CLSTN2: variants seen among roughly 807,000 people sequenced by gnomAD.
The protein encoded by CLSTN2 is calsyntenin 2.
In CLSTN2, 48 loss-of-function variants were observed where a neutral mutation model predicts 101.2. The ratio of observed to expected loss-of-function variants is 0.47; its 90% CI spans 0.38 to 0.60. The LOEUF (loss-of-function observed/expected upper bound fraction) is 0.60, where lower values mean the gene tolerates loss of function less well. Ranked by LOEUF, CLSTN2 falls within the 20% of genes least tolerant of loss-of-function variation. The pLI, the probability that CLSTN2 is intolerant of heterozygous loss-of-function variation, is 0.00. For missense variants in CLSTN2, 1,160 were observed against 1,238.2 expected (o/e 0.94, Z 0.95); for synonymous variants, 481 against 463.6 (o/e 1.04, Z -0.48).
At chr3:140,065,903 CA>C (rs2008291306) in intron 1 of CLSTN2, among the ~76,000 whole-genome samples, 1 of 152,232 alleles carries the variant, frequency 6.6e-6, no homozygotes, top group East Asian at 1.9e-4. Context: ...ATGATCTGCC[CA>C]ACCATGGTGG....
chr3:140,267,619 T>C (rs1228735695), intron 2 of CLSTN2, among the ~76,000 whole-genome samples: 8 of 152,208 alleles, frequency 5.3e-5, no homozygotes, highest in Admixed American at 5.2e-4. Context: ...GACCGGGCTG[T>C]TTAAAACCAC....
At chr3:140,161,957 C>T (rs1405385373) in intron 1 of CLSTN2, among the ~76,000 whole-genome samples, 1 of 152,098 alleles carries the variant, frequency 6.6e-6, no homozygotes, top group Non-Finnish European at 1.5e-5. Context: ...TAACAATAAA[C>T]TCATCAAATA....
chr3:140,054,957 CCTGA>C (rs1293409713), intron 1 of CLSTN2, among the ~76,000 whole-genome samples: 1 of 152,146 alleles, frequency 6.6e-6, no homozygotes, highest in Non-Finnish European at 1.5e-5. Context: ...TTCTCAGAAA[CCTGA>C]CTATTTATGG....
In CLSTN2 at chr3:139,979,050, C is replaced by T. The variant is rs1010254929; in HGVS notation, c.109+43567C>T. On this transcript the variant is annotated intron_variant, in intron 1 of 16. Coordinates refer to ENST00000458420, the MANE Select transcript of CLSTN2 (RefSeq NM_022131.3). ...TAGTTCTATAATACCCAGGGGATCCCCTTGTACATGCCCCAGAATGTGCGC... is the reference window on the plus strand; with the variant it reads ...TAGTTCTATAATACCCAGGGGATCCTCTTGTACATGCCCCAGAATGTGCGC... 2.6e-5 allele frequency among the ~76,000 whole-genome samples: 4 copies of T among 152,164 alleles called. No individual in the cohort carries two copies. In the East Asian group the frequency reaches 7.8e-4, roughly 29 times the overall value.
At chr3:140,125,242 G>A (rs1398891002) in intron 1 of CLSTN2, among the ~76,000 whole-genome samples, 3 of 152,058 alleles carry the variant, frequency 2.0e-5, no homozygotes, top group Non-Finnish European at 2.9e-5. Flanking sequence ...TGCTGAACAG[G>A]GGAGTGAAGC....
At chr3:140,027,779 A>G (rs1576401701) in intron 1 of CLSTN2, among the ~76,000 whole-genome samples, 1 of 152,308 alleles carries the variant, frequency 6.6e-6, no homozygotes, top group East Asian at 1.9e-4. Context: ...CTGGGCTATA[A>G]AAATTTTGTT....
intron 1 of CLSTN2, among the ~76,000 whole-genome samples, chr3:140,037,349 C>G (rs1241146862): frequency 6.6e-6 from 1 of 151,840 alleles, no homozygotes; most frequent in African/African-American, 2.4e-5. Flanking sequence ...CTCTTTTTTC[C>G]CCTAATCAAT....
chr3:140,129,102 C>A (rs2009482207), intron 1 of CLSTN2, among the ~76,000 whole-genome samples: 1 of 151,874 alleles, frequency 6.6e-6, no homozygotes, highest in African/African-American at 2.4e-5. Context: ...CTCAGTTTCC[C>A]CTGATGTCAG....
At chr3:140,486,148 A>G (rs774853241) in intron 8 of CLSTN2, among the ~76,000 whole-genome samples, 25 of 152,160 alleles carry the variant, frequency 1.6e-4, no homozygotes, top group African/African-American at 5.8e-4. Flanking sequence ...CATATGGGAA[A>G]AGACCAATGT....
chr3:140,479,923 T>G (rs1934076419), intron 8 of CLSTN2, among the ~76,000 whole-genome samples: 1 of 152,152 alleles, frequency 6.6e-6, no homozygotes, highest in African/African-American at 2.4e-5. Flanking sequence ...ATCCTCAACC[T>G]GTTGATGACC....
At chr3:140,532,616 T>A (rs1450158911) in intron 9 of CLSTN2, 130 bp downstream of exon 9, 6 of 617,996 alleles carry the variant, frequency 9.7e-6, no homozygotes, top group Non-Finnish European at 1.5e-5. Flanking sequence ...CAAAAAAAAA[T>A]TCAAGACATA....
At chr3:140,063,736 C>A (rs1240283540) in intron 1 of CLSTN2, among the ~76,000 whole-genome samples, 1 of 152,166 alleles carries the variant, frequency 6.6e-6, no homozygotes, top group African/African-American at 2.4e-5. Context: ...AGTATCTTGT[C>A]ACCCTTTTGT....
In CLSTN2 at chr3:140,076,730, T is replaced by C. The variant is rs190799533; in HGVS notation, c.110-99221T>C. ...GTCACACTGTGCTGCCTAGGAACTC[T>C]ACAGCAGTGAATGCCTGCATGATTT... On this transcript the variant is annotated intron_variant, in intron 1 of 16. Transcript: ENST00000458420. Among the ~76,000 whole-genome samples the C allele has an allele frequency of 1.3e-3, 179 of 143,140 alleles. 1 individual carries two copies. Among genetic ancestry groups the C allele is most frequent in the South Asian group, 7.1e-3 (30 of 4,216 alleles). 93.9% of individuals were successfully genotyped at this position (143,140 alleles called of 152,430 possible).
chr3:140,470,120 C>T (rs988118480), intron 8 of CLSTN2, among the ~76,000 whole-genome samples: 1 of 152,240 alleles, frequency 6.6e-6, no homozygotes, highest in African/African-American at 2.4e-5. Context: ...GGAATTTCAG[C>T]ATTTTATCTG....
At chr3:140,505,664 T>C (rs958051766) in intron 8 of CLSTN2, 4 of 152,192 alleles carry the variant, frequency 2.6e-5, no homozygotes, top group African/African-American at 7.2e-5. Context: ...AGATATGAGA[T>C]ATGTCAACTA....
intron 2 of CLSTN2, among the ~76,000 whole-genome samples, chr3:140,362,653 A>T (rs1215844779): frequency 5.3e-5 from 8 of 152,184 alleles, no homozygotes; most frequent in Non-Finnish European, 2.9e-5. Context: ...AATGGGAAAA[A>T]TGTTTGAATA....
chr3:140,190,199 A>G (rs2010539831), intron 2 of CLSTN2, among the ~76,000 whole-genome samples: 1 of 152,104 alleles, frequency 6.6e-6, no homozygotes. Flanking sequence ...TGCTGGGAGG[A>G]CACACACATT....
rs200944284 is a variant in CLSTN2 at position 140,549,485 on chromosome 3, G to A, written c.1674+2804G>A. On this transcript the variant is annotated intron_variant, in intron 10 of 16. Transcript: ENST00000458420. ...CATGGCTGGTAAGAACTAGAGCACCGTGTGAGAAGTTAATAAGACGCCCAA... is the reference window on the plus strand; with the variant it reads ...CATGGCTGGTAAGAACTAGAGCACCATGTGAGAAGTTAATAAGACGCCCAA... Among the ~76,000 whole-genome samples the A allele has an allele frequency of 7.4e-4, 112 of 151,078 alleles. 3 individuals carry two copies. The East Asian group carries it at 9.6e-3, about 13-fold the overall frequency.
chr3:140,412,779 C>T (rs887444734), intron 4 of CLSTN2, among the ~76,000 whole-genome samples: 1 of 151,998 alleles, frequency 6.6e-6, no homozygotes, highest in Non-Finnish European at 1.5e-5. Flanking sequence ...AATTAAATAA[C>T]GTGGTTCTGA....
Sources: gnomAD v4.1 joint callset for allele counts (sites outside exome capture counted in the v4.1 genomes callset) on GRCh38, gnomAD v4.1.1 for gene constraint, MANE v1.5 for transcripts, NCBI Gene and HGNC (gene_info 2026-07-23, HGNC 2026-07-21) for gene names.